Variants in TMEM72 observed in about 807,000 individuals in gnomAD.
The protein encoded by TMEM72 is kidney-specific secretory protein of 37 kDa.
A neutral mutation model predicts 16.3 loss-of-function variants in TMEM72; 9 were observed. The observed-to-expected ratio is 0.55, with a 90% confidence interval of 0.33 to 0.96. The LOEUF (loss-of-function observed/expected upper bound fraction) is 0.96. Ranked by LOEUF, TMEM72 falls within the 40% of genes least tolerant of loss-of-function variation. TMEM72 has a pLI of 0.03. For synonymous variants in TMEM72, 160 were observed against 146.5 expected, an observed-to-expected ratio of 1.09 and a Z score of -0.66; for missense variants, 324 against 337.8, an observed-to-expected ratio of 0.96 and a Z score of 0.32.
chr10:44,928,253 T>C (rs974896033), intron 2 of TMEM72, among the ~76,000 whole-genome samples: 4 of 151,906 alleles, frequency 2.6e-5, no homozygotes, highest in African/African-American at 9.7e-5. Context: ...TGCCCATCCA[T>C]TCGTCAGCCC....
At chr10:44,912,311 C>G (rs1839949383) in intron 1 of TMEM72, among the ~76,000 whole-genome samples, 2 of 152,216 alleles carry the variant, frequency 1.3e-5, no homozygotes, top group Non-Finnish European at 2.9e-5. Flanking sequence ...TGAGCCCTGC[C>G]TGCTCGCTTC....
At chr10:44,916,107 G>T (rs12246173) in intron 1 of TMEM72, among the ~76,000 whole-genome samples, 1 of 152,072 alleles carries the variant, frequency 6.6e-6, no homozygotes. Context: ...ACAGAGGTCC[G>T]GTGTTAGAAC....
intron 3 of TMEM72, among the ~76,000 whole-genome samples, chr10:44,933,249 T>A (rs1467025977): frequency 6.6e-6 from 1 of 152,246 alleles, no homozygotes; most frequent in South Asian, 2.1e-4. Flanking sequence ...AAGCCTCTTA[T>A]GCAGTGCACT....
chr10:44,915,267 G>T (rs902997795), intron 1 of TMEM72, among the ~76,000 whole-genome samples: 5 of 152,156 alleles, frequency 3.3e-5, no homozygotes, highest in Admixed American at 6.5e-5. Flanking sequence ...AGGTTGCTGA[G>T]AATGAACATG....
rs914695 is a variant in TMEM72, at chr10:44,936,811, A to T, written c.*1677A>T. ...GAAGCCAGGCATCTTTCCCCTGTCA[A>T]CTGTGGAAGGGGAATGTGATGGCCA... On this transcript the variant is annotated 3_prime_UTR_variant, in exon 5 of 5. Coordinates refer to ENST00000389583, the MANE Select transcript of TMEM72 (RefSeq NM_001123376.3). 119,852 of 152,230 alleles carry T rather than the reference A, an allele frequency of 0.79. 48,044 individuals carry two copies. Among genetic ancestry groups the T allele is most frequent in the African/African-American group, 0.91 (37,612 of 41,550 alleles). 9.4% of individuals were successfully genotyped at this position (152,230 alleles called of 1,614,324 possible). A position where few individuals can be genotyped will look rare whatever the true frequency, so the allele number is the denominator to read the frequency against.
At chr10:44,914,383 G>A (rs1311696775) in intron 1 of TMEM72, among the ~76,000 whole-genome samples, 3 of 152,244 alleles carry the variant, frequency 2.0e-5, no homozygotes, top group African/African-American at 7.2e-5. Context: ...TGTTTACACC[G>A]GGTTCATTTG....
chr10:44,920,876 C>A (rs977130292), intron 1 of TMEM72, among the ~76,000 whole-genome samples: 7 of 152,194 alleles, frequency 4.6e-5, no homozygotes, highest in Non-Finnish European at 1.0e-4. Context: ...ATGCAGGCCC[C>A]ATATTCTTTC....
Position 44,927,940 on chromosome 10 carries a change from T to G in TMEM72, c.90T>G (p.Thr30=). The G allele has an allele frequency of 6.2e-7, 1 of 1,613,290 alleles. No homozygotes were observed. The change falls in exon 2 of 5, where the codon ACT becomes ACG. Residue 30 remains threonine, a synonymous_variant. Transcript: ENST00000389583. ...CCTTAGTGTTGATCGGCGTGGGCAC[T>G]GAGACCTTCCTCCAGGGCCAGTTCA... ...TTAAVLIGVG[T]ETFLQGQFKS...
intron 1 of TMEM72, among the ~76,000 whole-genome samples, chr10:44,927,430 T>G (rs867831701): frequency 6.6e-6 from 1 of 152,112 alleles, no homozygotes; most frequent in Non-Finnish European, 1.5e-5. Flanking sequence ...CAGCACTGGG[T>G]CCAAAGCAAT....
At position 44,934,802 on chromosome 10, in the gene TMEM72, G is replaced by C. The variant is rs761431395; in HGVS notation, c.496G>C (p.Glu166Gln). ...AVSTTGSGDT[E>Q]QTYTFHGALK... ...GAGCACCACCGGCTCTGGGGACACA[G>C]AGCAAACCTACACTTTCCATGGGGC... Residue 166 changes from glutamate (E) to glutamine (Q), a missense_variant, in exon 5 of 5, where the codon GAG (glutamate) becomes CAG (glutamine). Physicochemically the swap from Glu to Gln is conservative, Grantham distance 29. Coordinates refer to ENST00000389583, the MANE Select transcript of TMEM72 (RefSeq NM_001123376.3). 4 of 1,613,534 alleles carry C rather than the reference G, an allele frequency of 2.5e-6. No homozygotes were observed. Among genetic ancestry groups the C allele is most frequent in the African/African-American group, 1.3e-5 (1 of 74,928 alleles).
chr10:44,926,007 A>C (rs866160213), intron 1 of TMEM72, among the ~76,000 whole-genome samples: 1 of 151,562 alleles, frequency 6.6e-6, no homozygotes, highest in African/African-American at 2.4e-5. Context: ...TCACACATGC[A>C]CATTCACACA....
chr10:44,936,406 T>A lies in TMEM72; in HGVS notation c.*1272T>A, dbSNP rs1245638016. On this transcript the variant is annotated 3_prime_UTR_variant, in exon 5 of 5. Transcript: ENST00000389583. ...AAACTTGTGTTTGTGCTTGCACACG[T>A]TTCAATGTTCCCTACAGGATATTTT... is the stretch of plus-strand genomic sequence containing the variant. The A allele has an allele frequency of 1.3e-5, 2 of 152,218 alleles. No homozygotes were observed. The highest frequency in any genetic ancestry group is 4.8e-5 in the African/African-American group (2 of 41,462). 9.4% of individuals were successfully genotyped at this position (152,218 alleles called of 1,614,324 possible).
rs1840404325 is a variant in TMEM72 at position 44,936,555 on chromosome 10, A to T, written c.*1421A>T. 1 of 152,242 alleles carries T rather than the reference A, an allele frequency of 6.6e-6. No homozygotes were observed. The highest frequency in any genetic ancestry group is 1.5e-5 in the Non-Finnish European group (1 of 68,036). The allele number at this position is 152,242 out of a possible 1,614,324, so 9.4% of individuals were successfully genotyped here. ...GCAGTAGCCCAGGTCTCACCAAATG[A>T]CAAATGGCTAATCAAGACACTCCTG... On this transcript the variant is annotated 3_prime_UTR_variant, in exon 5 of 5. Coordinates refer to ENST00000389583, the MANE Select transcript of TMEM72 (RefSeq NM_001123376.3).
At chr10:44,928,128 G>A (rs1365255120) in intron 2 of TMEM72, 141 bp downstream of exon 2, 5 of 882,782 alleles carry the variant, frequency 5.7e-6, no homozygotes, top group African/African-American at 3.3e-5. Flanking sequence ...GTTGAGGGGG[G>A]CTCTAGAATA....
In TMEM72 at chr10:44,927,925, G is replaced by T. The variant is rs769192562; in HGVS notation, c.75G>T (p.Leu25Phe). The T allele has an allele frequency of 6.2e-7, 1 of 1,613,930 alleles. No homozygotes were observed. The highest frequency in any genetic ancestry group is 1.1e-5 in the South Asian group (1 of 91,078). The change falls in exon 2 of 5, where the codon TTG (leucine) becomes TTT (phenylalanine). Residue 25 changes from leucine (L) to phenylalanine (F), a missense_variant. By Grantham distance (22) the Leu-to-Phe change is conservative. Transcript: ENST00000389583. ...RLLGITTAAV[L>F]IGVGTETFLQ... ...CCTTCTTCTCTTGCCCCTTAGTGTT[G>T]ATCGGCGTGGGCACTGAGACCTTCC...
intron 1 of TMEM72, among the ~76,000 whole-genome samples, chr10:44,926,760 T>C (rs1419134321): frequency 6.6e-6 from 1 of 152,072 alleles, no homozygotes; most frequent in East Asian, 1.9e-4. Flanking sequence ...TCTGTCCCCT[T>C]TCCCCGGCCC....
intron 1 of TMEM72, among the ~76,000 whole-genome samples, chr10:44,916,510 A>G (rs2132711420): frequency 6.6e-6 from 1 of 152,292 alleles, no homozygotes; most frequent in East Asian, 1.9e-4. Context: ...CAAAGCCTTC[A>G]GGAAAACAAA....
intron 3 of TMEM72, 105 bp downstream of exon 3, chr10:44,932,174 C>A: frequency 1.5e-6 from 2 of 1,337,666 alleles, no homozygotes; most frequent in South Asian, 1.3e-5. Flanking sequence ...GCTCCTGAAG[C>A]CACTGTGGAC....
At chr10:44,934,526 C>T (rs1564439704) in intron 4 of TMEM72, 130 bp from the exon 5 acceptor site, 1 of 905,796 alleles carries the variant, frequency 1.1e-6, no homozygotes, top group African/African-American at 1.7e-5. Context: ...GCAAGAGGGC[C>T]AGGGCCACAG....
Sources: allele counts gnomAD v4.1 joint callset (sites outside exome capture counted in the v4.1 genomes callset), GRCh38; gene constraint gnomAD v4.1.1; transcripts MANE v1.5; gene names NCBI Gene and HGNC (gene_info 2026-07-23, HGNC 2026-07-21).